CYP7B1: variants seen among roughly 807,000 people sequenced by gnomAD.
CYP7B1 encodes cytochrome P450 family 7 subfamily B member 1.
CYP7B1 carries 29 observed loss-of-function variants against 42.7 expected under a neutral mutation model. That is an observed-to-expected ratio of 0.68 (90% CI 0.51 to 0.93). The LOEUF is 0.93. Among genes scored for constraint, CYP7B1 ranks in the 40% least tolerant of loss-of-function variants. The pLI, the probability that CYP7B1 is intolerant of heterozygous loss-of-function variation, is 0.00. For missense variants in CYP7B1, 655 were observed against 600.5 expected, an observed-to-expected ratio of 1.09 and a Z score of -0.95; for synonymous variants, 235 against 218.2, an observed-to-expected ratio of 1.08 and a Z score of -0.68.
At chr8:64,687,355 C>T (rs1256036188) in intron 1 of CYP7B1, among the ~76,000 whole-genome samples, 3 of 152,030 alleles carry the variant, frequency 2.0e-5, no homozygotes, top group Non-Finnish European at 2.9e-5. Context: ...TCCATTTATA[C>T]GAAATGTCCA....
At chr8:64,796,606 C>G (rs1804705984) in intron 1 of CYP7B1, among the ~76,000 whole-genome samples, 1 of 152,132 alleles carries the variant, frequency 6.6e-6, no homozygotes, top group Admixed American at 6.5e-5. Flanking sequence ...ACTCCACCAT[C>G]TTACATAAAT....
chr8:64,644,954 C>T (rs1389784941), intron 1 of CYP7B1, among the ~76,000 whole-genome samples: 1 of 147,654 alleles, frequency 6.8e-6, no homozygotes, highest in Non-Finnish European at 1.5e-5. Flanking sequence ...TGTTATCCTT[C>T]CTGTGTCCAT....
chr8:64,797,825 C>A (rs548867526), intron 1 of CYP7B1, among the ~76,000 whole-genome samples: 2 of 152,342 alleles, frequency 1.3e-5, no homozygotes, highest in Non-Finnish European at 2.9e-5. Flanking sequence ...CTGAACTTCT[C>A]TATTTCTACT....
chr8:64,643,702 C>A (rs1805903318), intron 1 of CYP7B1, among the ~76,000 whole-genome samples: 3 of 152,212 alleles, frequency 2.0e-5, no homozygotes, highest in Admixed American at 2.0e-4. Context: ...TTCGCTCAAA[C>A]CCTGTTGCTG....
At chr8:64,784,552 T>C (rs1804489955) in intron 1 of CYP7B1, among the ~76,000 whole-genome samples, 1 of 152,194 alleles carries the variant, frequency 6.6e-6, no homozygotes, top group South Asian at 2.1e-4. Context: ...ACCTAGTATG[T>C]ATCTGGTACT....
chr8:64,782,129 C>T (rs1186245584), intron 1 of CYP7B1, among the ~76,000 whole-genome samples: 1 of 152,152 alleles, frequency 6.6e-6, no homozygotes, highest in South Asian at 2.1e-4. Context: ...TATAGCCATG[C>T]TCTTTGCCCA....
In CYP7B1 at chr8:64,615,721, A is replaced by G. The variant is rs1416671863; in HGVS notation, c.820T>C (p.Tyr274His). ...FQSRQDVLEK[Y>H]YVHEDLEIGA... ...ATTTCAAGGTCCTCGTGCACATAAT[A>G]TTTCTCCAGGACATCTTGCCTGCTT... The change falls in exon 3 of 6, where the codon TAT becomes CAT. Residue 274 changes from tyrosine (Y) to histidine (H), a missense_variant. Tyr to His is a moderately conservative substitution (Grantham distance 83). Coordinates refer to ENST00000310193, the MANE Select transcript of CYP7B1 (RefSeq NM_004820.5). 5 of 1,613,554 alleles carry G rather than the reference A, an allele frequency of 3.1e-6. No individual in the cohort carries two copies. The highest frequency in any genetic ancestry group is 3.3e-4 in the Middle Eastern group (2 of 6,082).
chr8:64,719,576 A>G (rs1042699422), intron 1 of CYP7B1, among the ~76,000 whole-genome samples: 1 of 152,210 alleles, frequency 6.6e-6, no homozygotes, highest in African/African-American at 2.4e-5. Flanking sequence ...CCTTTTCAGC[A>G]TAAAGCATCC....
chr8:64,617,433 G>A (rs751699560), intron 2 of CYP7B1, among the ~76,000 whole-genome samples: 4 of 152,108 alleles, frequency 2.6e-5, no homozygotes, highest in Admixed American at 6.6e-5. Flanking sequence ...GAGATGTTAC[G>A]GGTCAAGATC....
chr8:64,727,199 CTGAGACAAT>C (rs1807337320), intron 1 of CYP7B1, among the ~76,000 whole-genome samples: 1 of 152,170 alleles, frequency 6.6e-6, no homozygotes, highest in African/African-American at 2.4e-5. Context: ...GGAACCCAAT[CTGAGACAAT>C]ACAGTATTAT....
intron 1 of CYP7B1, among the ~76,000 whole-genome samples, chr8:64,697,758 C>T (rs1167076096): frequency 6.6e-6 from 1 of 152,164 alleles, no homozygotes. Flanking sequence ...ACATTCCACA[C>T]TATGGATGAA....
chr8:64,607,802 T>G (rs1242751522), intron 4 of CYP7B1, among the ~76,000 whole-genome samples: 1 of 152,234 alleles, frequency 6.6e-6, no homozygotes, highest in African/African-American at 2.4e-5. Flanking sequence ...ACTTATTGTG[T>G]ATAATGGATT....
chr8:64,658,057 C>A (rs538790647), intron 1 of CYP7B1, among the ~76,000 whole-genome samples: 1 of 152,234 alleles, frequency 6.6e-6, no homozygotes, highest in Non-Finnish European at 1.5e-5. Flanking sequence ...GACCAAGCTT[C>A]CTGGGGTCTC....
At chr8:64,659,736 A>G (rs1338646465) in intron 1 of CYP7B1, among the ~76,000 whole-genome samples, 2 of 152,212 alleles carry the variant, frequency 1.3e-5, no homozygotes, top group Non-Finnish European at 2.9e-5. Flanking sequence ...TAGGAGCTCC[A>G]GCCAGTCTGG....
Position 64,592,967 on chromosome 8 carries a change from A to G in CYP7B1, c.*3675T>C, listed in dbSNP as rs1364042011. Among the ~76,000 whole-genome samples, 1 of 152,154 alleles carries G rather than the reference A, an allele frequency of 6.6e-6. No individual in the cohort carries two copies. Among genetic ancestry groups the G allele is most frequent in the Non-Finnish European group, 1.5e-5 (1 of 68,018 alleles). ...ATGTTTTGTTTTGGTTCTACTATTC[A>G]TTCCTTTTATGTCATCTTTTCTCAA... On this transcript the variant is annotated 3_prime_UTR_variant, in exon 6 of 6. Transcript: ENST00000310193.
intron 1 of CYP7B1, among the ~76,000 whole-genome samples, chr8:64,678,784 C>T (rs1207830875): frequency 1.3e-5 from 2 of 152,068 alleles, no homozygotes; most frequent in East Asian, 3.9e-4. Flanking sequence ...AGATGGGATC[C>T]TATCCACATG....
intron 1 of CYP7B1, among the ~76,000 whole-genome samples, chr8:64,766,622 G>A (rs948062851): frequency 6.6e-6 from 1 of 152,100 alleles, no homozygotes; most frequent in East Asian, 1.9e-4. Context: ...AATAGGGCTT[G>A]CTTCCAGTGC....
At chr8:64,721,641 T>C (rs1177082407) in intron 1 of CYP7B1, among the ~76,000 whole-genome samples, 4 of 152,150 alleles carry the variant, frequency 2.6e-5, no homozygotes, top group African/African-American at 9.7e-5. Flanking sequence ...AAATTTACCG[T>C]CTTAAAAATG....
At chr8:64,767,052 G>A (rs1159376584) in intron 1 of CYP7B1, among the ~76,000 whole-genome samples, 3 of 152,172 alleles carry the variant, frequency 2.0e-5, no homozygotes, top group East Asian at 3.9e-4. Context: ...TTCTAATTAT[G>A]CCTGAAAGCC....
Sources: gnomAD v4.1 joint callset for allele counts (sites outside exome capture counted in the v4.1 genomes callset) on GRCh38, gnomAD v4.1.1 for gene constraint, MANE v1.5 for transcripts, NCBI Gene and HGNC (gene_info 2026-07-23, HGNC 2026-07-21) for gene names.